ST3GAL3: variants seen among roughly 807,000 people sequenced by gnomAD.
ST3GAL3 encodes ST3 beta-galactoside alpha-2,3-sialyltransferase 3, also known as CMP-N-acetylneuraminate-beta-1,4-galactoside alpha-2,3-sialyltransferase.
A neutral mutation model predicts 50.1 loss-of-function variants in ST3GAL3; 21 were observed. The observed-to-expected ratio is 0.42, with a 90% confidence interval of 0.30 to 0.60. The LOEUF is 0.60. Among genes scored for constraint, ST3GAL3 ranks in the 20% least tolerant of loss-of-function variants. The pLI, the probability that ST3GAL3 is intolerant of heterozygous loss-of-function variation, is 0.19. For missense variants in ST3GAL3, 353 were observed against 489.4 expected, an observed-to-expected ratio of 0.72 and a Z score of 2.63; for synonymous variants, 183 against 190.0, an observed-to-expected ratio of 0.96 and a Z score of 0.30.
At chr1:43,925,578 C>T (rs1209952729) in intron 11 of ST3GAL3, among the ~76,000 whole-genome samples, 1 of 152,166 alleles carries the variant, frequency 6.6e-6, no homozygotes, top group Non-Finnish European at 1.5e-5. Context: ...TGTTGGTGCC[C>T]GGGTTTAGAA....
intron 9 of ST3GAL3, among the ~76,000 whole-genome samples, chr1:43,901,894 G>T (rs1269414135): frequency 6.6e-6 from 1 of 152,190 alleles, no homozygotes; most frequent in Non-Finnish European, 1.5e-5. Context: ...AGATAATTTG[G>T]ACCTTTAGAG....
chr1:43,894,118 CT>C (rs1570841378), intron 5 of ST3GAL3: 1 of 490,486 alleles, frequency 2.0e-6, no homozygotes, highest in East Asian at 3.9e-5. Context: ...GAAATTGATC[CT>C]TGCTGAACAA....
At chr1:43,928,637 G>A (rs910624733) in intron 11 of ST3GAL3, among the ~76,000 whole-genome samples, 3 of 151,086 alleles carry the variant, frequency 2.0e-5, no homozygotes, top group Non-Finnish European at 2.9e-5. Flanking sequence ...GTCCGGGCAC[G>A]GTGGCTCATG....
chr1:43,928,595 A>G (rs1016201201), intron 11 of ST3GAL3, among the ~76,000 whole-genome samples: 16 of 142,158 alleles, frequency 1.1e-4, no homozygotes, highest in Admixed American at 9.8e-4. Context: ...GCAAGACACC[A>G]TCTGAAAAAA....
At chr1:43,867,172 T>A (rs2071539567) in intron 5 of ST3GAL3, among the ~76,000 whole-genome samples, 1 of 152,158 alleles carries the variant, frequency 6.6e-6, no homozygotes, top group Non-Finnish European at 1.5e-5. Flanking sequence ...TCATTCACTA[T>A]GATGAGAATA....
intron 3 of ST3GAL3, among the ~76,000 whole-genome samples, chr1:43,806,569 G>C (rs577619557): frequency 1.5e-4 from 23 of 152,322 alleles, no homozygotes; most frequent in African/African-American, 4.3e-4. Flanking sequence ...AGGCTGGAAG[G>C]CTGGGGAACA....
chr1:43,826,163 T>C (rs999500774), intron 4 of ST3GAL3, among the ~76,000 whole-genome samples: 8 of 151,720 alleles, frequency 5.3e-5, no homozygotes, highest in African/African-American at 1.9e-4. Context: ...TAGGTTGAGA[T>C]GGGAGGATCA....
At chr1:43,798,173 A>G (rs2058901951) in intron 3 of ST3GAL3, among the ~76,000 whole-genome samples, 1 of 152,022 alleles carries the variant, frequency 6.6e-6, no homozygotes, top group South Asian at 2.1e-4. Context: ...CTGTCTTCAC[A>G]ATGTGTTCTT....
In ST3GAL3 at chr1:43,792,163, C is replaced by T; in HGVS notation, c.166+14C>T. 6.2e-7 allele frequency: 1 copy of T among 1,614,186 alleles called. No individual in the cohort carries two copies. The highest frequency in any genetic ancestry group is 1.1e-5 in the South Asian group (1 of 91,080). ...CACTAGGCTCAGGTACCAACTCTTC[C>T]CCCTCTATCATCTTTTTGGCCTTCA... On this transcript the variant is annotated intron_variant, in intron 3 of 11. Transcript: ENST00000347631.
intron 2 of ST3GAL3, among the ~76,000 whole-genome samples, chr1:43,786,717 T>TA (rs1218688495): frequency 1.3e-5 from 2 of 152,228 alleles, no homozygotes; most frequent in African/African-American, 4.8e-5. Flanking sequence ...TTTTTGTTCT[T>TA]ACTCACCACT....
intron 3 of ST3GAL3, chr1:43,801,319 T>C (rs781530818): frequency 1.1e-5 from 5 of 456,168 alleles, no homozygotes; most frequent in Non-Finnish European, 2.2e-5. Context: ...GGTGGTTCAT[T>C]ACAATGAAAA....
In ST3GAL3 at chr1:43,930,775, C is replaced by G. The variant is rs2084907893; in HGVS notation, c.*554C>G. 6.3e-5 allele frequency: 13 copies of G among 206,572 alleles called. No homozygotes were observed. The South Asian group carries it at 1.1e-3, about 18-fold the overall frequency. The allele number at this position is 206,572 out of a possible 1,614,324, so 12.8% of individuals were successfully genotyped here. Reference sequence around the variant, plus strand: ...CAAGCCAGCCCCCTCCAGCTCATGACACTGTTTGGCCTTTCTTGGGGAGAA... The same window carrying G: ...CAAGCCAGCCCCCTCCAGCTCATGAGACTGTTTGGCCTTTCTTGGGGAGAA... On this transcript the variant is annotated 3_prime_UTR_variant, in exon 12 of 12. Coordinates refer to ENST00000347631, the MANE Select transcript of ST3GAL3 (RefSeq NM_006279.5).
At chr1:43,716,462 A>G (rs1028162846) in intron 1 of ST3GAL3, 1 of 152,216 alleles carries the variant, frequency 6.6e-6, no homozygotes, top group African/African-American at 2.4e-5. Flanking sequence ...AAAAGATCCT[A>G]TTACGGGCTT....
intron 4 of ST3GAL3, among the ~76,000 whole-genome samples, chr1:43,830,130 C>T (rs2063350558): frequency 6.6e-6 from 1 of 151,100 alleles, no homozygotes; most frequent in Non-Finnish European, 1.5e-5. Flanking sequence ...CTCCCCGGCC[C>T]AAGCAATCCT....
chr1:43,917,501 A>G (rs61770292), intron 9 of ST3GAL3, among the ~76,000 whole-genome samples: 5 of 71,814 alleles, frequency 7.0e-5, no homozygotes, highest in South Asian at 4.3e-4. Flanking sequence ...TATATATAAT[A>G]TATTATATAA....
At chr1:43,796,377 C>G (rs1258419972) in intron 3 of ST3GAL3, among the ~76,000 whole-genome samples, 2 of 152,234 alleles carry the variant, frequency 1.3e-5, no homozygotes, top group African/African-American at 4.8e-5. Flanking sequence ...AGGAAAGCAA[C>G]CGCTTTAAGT....
rs2083133897 is a variant in ST3GAL3 at position 43,922,125 on chromosome 1, G to A, written c.1038+1197G>A. The A allele has an allele frequency of 2.4e-5, 4 of 163,714 alleles. No homozygotes were observed. The Admixed American group carries it at 2.6e-4, about 11-fold the overall frequency. The allele number at this position is 163,714 out of a possible 1,614,324, so 10.1% of individuals were successfully genotyped here. A position where few individuals can be genotyped will look rare whatever the true frequency, so the allele number is the denominator to read the frequency against. ...TCATGCCTATAATCCCAGCACTTTG[G>A]GAGGCCAAGGCAGGGGTATTGCTTG... On this transcript the variant is annotated intron_variant, in intron 11 of 11. Coordinates refer to ENST00000347631, the MANE Select transcript of ST3GAL3 (RefSeq NM_006279.5).
intron 5 of ST3GAL3, among the ~76,000 whole-genome samples, chr1:43,865,219 C>T (rs1455888758): frequency 1.3e-5 from 2 of 152,140 alleles, no homozygotes; most frequent in East Asian, 3.9e-4. Context: ...GGGGTTTCAC[C>T]ATGTTAGCCA....
chr1:43,851,666 G>A lies in ST3GAL3; in HGVS notation c.302+13355G>A, dbSNP rs764318468. On this transcript the variant is annotated intron_variant, in intron 5 of 11. Transcript: ENST00000347631. ...AACATCGCTGTCTTTGAGGGGCTGCGCCAGCATCTTGTCATGTGAGGACCA... is the reference window on the plus strand; with the variant it reads ...AACATCGCTGTCTTTGAGGGGCTGCACCAGCATCTTGTCATGTGAGGACCA... 1.8e-4 allele frequency: 238 copies of A among 1,329,030 alleles called. 1 individual carries two copies. Among genetic ancestry groups the A allele is most frequent in the Admixed American group, 2.9e-4 (17 of 59,242 alleles). The allele number at this position is 1,329,030 out of a possible 1,614,324, so 82.3% of individuals were successfully genotyped here. A position where few individuals can be genotyped will look rare whatever the true frequency, so the allele number is the denominator to read the frequency against.
Sources: gnomAD v4.1 joint callset for allele counts (sites outside exome capture counted in the v4.1 genomes callset) on GRCh38, gnomAD v4.1.1 for gene constraint, MANE v1.5 for transcripts, NCBI Gene and HGNC (gene_info 2026-07-23, HGNC 2026-07-21) for gene names.